DNAH17: variants seen among roughly 807,000 people sequenced by gnomAD.
The protein encoded by DNAH17 is axonemal beta dynein heavy chain 17.
DNAH17 carries 376 observed loss-of-function variants against 485.6 expected under a neutral mutation model. That is an observed-to-expected ratio of 0.77 (90% CI 0.71 to 0.84). The LOEUF is 0.84. Among genes scored for constraint, DNAH17 ranks in the 40% least tolerant of loss-of-function variants. The pLI, the probability that DNAH17 is intolerant of heterozygous loss-of-function variation, is 0.00. For missense variants in DNAH17, 6,370 were observed against 5,839.3 expected, an observed-to-expected ratio of 1.09 and a Z score of -2.96; for synonymous variants, 3,031 against 2,405.9, an observed-to-expected ratio of 1.26 and a Z score of -7.60.
intron 36 of DNAH17, 53 bp downstream of exon 36, chr17:78,500,252 C>T: frequency 1.9e-6 from 3 of 1,548,576 alleles, no homozygotes; most frequent in Non-Finnish European, 2.6e-6. Flanking sequence ...GTGCTAGGAT[C>T]TGCTTCTATA....
rs563966364 is a variant in DNAH17 at position 78,508,768 on chromosome 17, T to C, written c.4237-963A>G. Among the ~76,000 whole-genome samples the C allele has an allele frequency of 5.3e-5, 8 of 152,234 alleles. No homozygotes were observed. The South Asian group carries it at 1.7e-3, about 32-fold the overall frequency. On this transcript the variant is annotated intron_variant, in intron 27 of 80. Coordinates refer to ENST00000389840, the MANE Select transcript of DNAH17 (RefSeq NM_173628.4). Reference sequence around the variant, plus strand: ...TTTCTTTTTGAGGTGATGAAAATATTCTAAAATTTGTTAATTCTATTTTTT... The same window carrying C: ...TTTCTTTTTGAGGTGATGAAAATATCCTAAAATTTGTTAATTCTATTTTTT...
intron 6 of DNAH17, 114 bp from the exon 7 acceptor site, chr17:78,570,486 A>G: frequency 7.2e-7 from 1 of 1,383,530 alleles, no homozygotes; most frequent in East Asian, 2.6e-5. Context: ...GAGGGTTCCC[A>G]AAGAGGAGGG....
At chr17:78,472,304 G>T (rs1395201838) in intron 54 of DNAH17, among the ~76,000 whole-genome samples, 1 of 151,650 alleles carries the variant, frequency 6.6e-6, no homozygotes, top group Non-Finnish European at 1.5e-5. Context: ...GGGAGTGGGG[G>T]TGCGAGGGTT....
At chr17:78,492,558 G>C in intron 42 of DNAH17, 75 bp downstream of exon 42, 1 of 1,573,574 alleles carries the variant, frequency 6.4e-7, no homozygotes, top group Non-Finnish European at 8.7e-7. Flanking sequence ...CTTCCACGTG[G>C]GAACGGCTGA....
chr17:78,536,660 G>A (rs2091382044), intron 19 of DNAH17, among the ~76,000 whole-genome samples: 1 of 151,974 alleles, frequency 6.6e-6, no homozygotes. Context: ...CAGCCTGGGT[G>A]ACAGAGTGAG....
At chr17:78,554,849 C>T (rs1046452397) in intron 14 of DNAH17, among the ~76,000 whole-genome samples, 31 of 152,196 alleles carry the variant, frequency 2.0e-4, no homozygotes, top group Admixed American at 2.6e-4. Flanking sequence ...CAGGTTCAAG[C>T]GATTCTCCTG....
chr17:78,573,844 C>T (rs910513918), intron 2 of DNAH17, among the ~76,000 whole-genome samples: 3 of 152,098 alleles, frequency 2.0e-5, no homozygotes, highest in Non-Finnish European at 2.9e-5. Flanking sequence ...ACAAGCGAAG[C>T]ACACAGGCCC....
rs2091028779 is a variant in DNAH17 at position 78,525,037 on chromosome 17, A to T, written c.3836T>A (p.Leu1279Gln). 1 of 1,613,684 alleles carries T rather than the reference A, an allele frequency of 6.2e-7. No homozygotes were observed. Among genetic ancestry groups the T allele is most frequent in the Non-Finnish European group, 8.5e-7 (1 of 1,179,766 alleles). Residue 1279 changes from leucine (L) to glutamine (Q), a missense_variant, in exon 25 of 81, where the codon CTG (leucine) becomes CAG (glutamine). Transcript: ENST00000389840. ...LKACHREVRL[L>Q]KELWDMVVVV... is the part of the protein sequence containing the mutation. ...AACAACCATGTCCCAGAGCTCCTTCAGTAGGCGGACCTCCCGGTGGCAGGC... is the reference window on the plus strand; with the variant it reads ...AACAACCATGTCCCAGAGCTCCTTCTGTAGGCGGACCTCCCGGTGGCAGGC...
intron 42 of DNAH17, among the ~76,000 whole-genome samples, chr17:78,492,205 C>T (rs749413826): frequency 7.2e-5 from 11 of 152,122 alleles, no homozygotes; most frequent in South Asian, 2.1e-4. Flanking sequence ...CTCCAACGTC[C>T]GGAGTTCCTT....
Position 78,501,295 on chromosome 17 carries a change from C to T in DNAH17, c.5372G>A (p.Trp1791Ter), listed in dbSNP as rs1237069701. The T allele has an allele frequency of 6.2e-7, 1 of 1,606,436 alleles. No individual in the cohort carries two copies. Among genetic ancestry groups the T allele is most frequent in the Non-Finnish European group, 8.5e-7 (1 of 1,173,812 alleles). ...FTWQAQLRHR[W>*]DEEKRHCFAN... is the part of the protein sequence containing the mutation. ...AAAGCAGTGTCGCTTCTCTTCGTCCCAGCGATGCCGGAGCTGGGCCTGCCA... is the reference window on the plus strand; with the variant it reads ...AAAGCAGTGTCGCTTCTCTTCGTCCTAGCGATGCCGGAGCTGGGCCTGCCA... The change falls in exon 35 of 81, where the codon TGG (tryptophan) becomes TAG (stop). Residue 1791 changes from tryptophan to a stop codon, truncating the protein, a stop_gained. Coordinates refer to ENST00000389840, the MANE Select transcript of DNAH17 (RefSeq NM_173628.4). LOFTEE classifies it high-confidence loss of function.
intron 44 of DNAH17, among the ~76,000 whole-genome samples, chr17:78,487,510 G>A (rs1199687762): frequency 6.6e-6 from 1 of 152,142 alleles, no homozygotes; most frequent in East Asian, 1.9e-4. Context: ...GCGCTGACCG[G>A]CAGACGTGCC....
chr17:78,507,682 C>G lies in DNAH17; in HGVS notation c.4360G>C (p.Val1454Leu), dbSNP rs774474232. 1 of 1,612,482 alleles carries G rather than the reference C, an allele frequency of 6.2e-7. No homozygotes were observed. Among genetic ancestry groups the G allele is most frequent in the South Asian group, 1.1e-5 (1 of 91,058 alleles). Residue 1454 changes from valine to leucine, a missense_variant, in exon 28 of 81, where the codon GTG becomes CTG. Coordinates refer to ENST00000389840, the MANE Select transcript of DNAH17 (RefSeq NM_173628.4). Reference sequence around the variant, plus strand: ...GACATCATCAGGTTCTGCAGCTGCACCTGGTTGTCCTCCAGCGTCTCCACC... The same window carrying G: ...GACATCATCAGGTTCTGCAGCTGCAGCTGGTTGTCCTCCAGCGTCTCCACC... ...VLVETLEDNQ[V>L]QLQNLMMSKY...
chr17:78,522,703 CA>C, intron 25 of DNAH17: 2 of 198,882 alleles, frequency 1.0e-5, no homozygotes, highest in Non-Finnish European at 1.1e-5. Context: ...TCAGAGAATG[CA>C]AAAAAGACAT....
In DNAH17 at chr17:78,454,459, C is replaced by T. The variant is rs370821500; in HGVS notation, c.10406+11G>A. 4.4e-6 allele frequency: 7 copies of T among 1,604,516 alleles called. No homozygotes were observed. In the African/African-American group the frequency reaches 5.3e-5, roughly 12 times the overall value. Reference sequence around the variant, plus strand: ...GCCGGGCTTCGGCCCAGGTCCTGCGCCCGCACACACCTCTTCTGTCCCAGG... The same window carrying T: ...GCCGGGCTTCGGCCCAGGTCCTGCGTCCGCACACACCTCTTCTGTCCCAGG... On this transcript the variant is annotated intron_variant, in intron 64 of 80. Transcript: ENST00000389840.
intron 11 of DNAH17, among the ~76,000 whole-genome samples, 195 bp downstream of exon 11, chr17:78,566,419 T>G (rs2092266537): frequency 6.6e-6 from 1 of 152,216 alleles, no homozygotes; most frequent in Non-Finnish European, 1.5e-5. Context: ...CTCTAGGATG[T>G]GGCAGTAAGA....
intron 51 of DNAH17, among the ~76,000 whole-genome samples, chr17:78,477,309 AAGAC>A (rs1331283514): frequency 6.6e-6 from 1 of 152,156 alleles, no homozygotes; most frequent in Non-Finnish European, 1.5e-5. Flanking sequence ...CCAGGGCAGT[AAGAC>A]AGAGTGTGAG....
chr17:78,424,661 C>A (rs1190248495), intron 80 of DNAH17: 1 of 155,100 alleles, frequency 6.4e-6, no homozygotes. Flanking sequence ...GAGAGCTTAT[C>A]TTTGGTTGTG....
chr17:78,491,796 A>G (rs1237187091), intron 42 of DNAH17, among the ~76,000 whole-genome samples: 1 of 151,304 alleles, frequency 6.6e-6, no homozygotes, highest in Non-Finnish European at 1.5e-5. Flanking sequence ...TCCTCCTCCG[A>G]CCCTGCACCC....
chr17:78,516,889 T>C (rs1355100350), intron 25 of DNAH17, among the ~76,000 whole-genome samples: 1 of 152,216 alleles, frequency 6.6e-6, no homozygotes, highest in Non-Finnish European at 1.5e-5. Flanking sequence ...TACTATAATG[T>C]ATTTTAAAAA....
Sources: gnomAD v4.1 joint callset for allele counts (sites outside exome capture counted in the v4.1 genomes callset) on GRCh38, gnomAD v4.1.1 for gene constraint, MANE v1.5 for transcripts, NCBI Gene and HGNC (gene_info 2026-07-23, HGNC 2026-07-21) for gene names.